The following DYNC1I1 variants were observed in gnomAD, a reference collection of about 807,000 sequenced individuals.
DYNC1I1 encodes cytoplasmic dynein 1 intermediate chain 1.
A neutral mutation model predicts 86.6 loss-of-function variants in DYNC1I1; 43 were observed. The observed-to-expected ratio is 0.50, with a 90% CI of 0.39 to 0.64. The LOEUF (loss-of-function observed/expected upper bound fraction) is 0.64, where lower values mean the gene tolerates loss of function less well. Ranked by LOEUF, DYNC1I1 falls within the 30% of genes least tolerant of loss-of-function variation. DYNC1I1 has a pLI of 0.00. For missense variants in DYNC1I1, 604 were observed against 788.8 expected (o/e 0.77, Z 2.81); for synonymous variants, 262 against 283.7 (o/e 0.92, Z 0.77).
At chr7:96,095,112 C>A (rs1280578063) in intron 16 of DYNC1I1, among the ~76,000 whole-genome samples, 1 of 152,142 alleles carries the variant, frequency 6.6e-6, no homozygotes, top group African/African-American at 2.4e-5. Flanking sequence ...ACATGTAGTT[C>A]ACTCGCTGGC....
Position 95,984,813 on chromosome 7 carries a change from A to G in DYNC1I1, c.581-2A>G. The G allele has an allele frequency of 6.4e-7, 1 of 1,574,042 alleles. No individual in the cohort carries two copies. ...CTTTTACAAAAAAATAAATAAATAA[A>G]GCCCCTCCAAGAGAGTTGACAGAGG... On this transcript the variant is annotated splice_acceptor_variant, in intron 7 of 16. Coordinates refer to ENST00000447467, the MANE Select transcript of DYNC1I1 (RefSeq NM_001135556.2). LOFTEE classifies it high-confidence loss of function.
intron 6 of DYNC1I1, among the ~76,000 whole-genome samples, chr7:95,965,307 T>A (rs1792980757): frequency 6.6e-6 from 1 of 152,192 alleles, no homozygotes; most frequent in African/African-American, 2.4e-5. Context: ...CATTAATATA[T>A]CTTCATCCTT....
At chr7:95,880,038 T>C (rs1228909792) in intron 6 of DYNC1I1, among the ~76,000 whole-genome samples, 1 of 152,226 alleles carries the variant, frequency 6.6e-6, no homozygotes, top group Non-Finnish European at 1.5e-5. Context: ...CCAGTTTTAC[T>C]TTTACAGTAA....
In DYNC1I1 at chr7:95,839,858, GT is replaced by G. The variant is rs566018870; in HGVS notation, c.374+11752del. On this transcript the variant is annotated intron_variant, in intron 5 of 16. Transcript: ENST00000447467. ...CTGGTATTGTATTCTTGATTGGCAG[GT>G]TTTTTTTTTCTTCTTTCAGCACTTT... Among the ~76,000 whole-genome samples the G allele has an allele frequency of 3.3e-4, 49 of 149,310 alleles. 2 individuals are homozygous for G. In the South Asian group the frequency reaches 7.2e-3, roughly 22 times the overall value.
chr7:95,889,198 G>A (rs1790674554), intron 6 of DYNC1I1, among the ~76,000 whole-genome samples: 1 of 152,164 alleles, frequency 6.6e-6, no homozygotes, highest in African/African-American at 2.4e-5. Flanking sequence ...CAAATGACAT[G>A]CTGATATGCC....
At chr7:96,035,870 C>T (rs1008989661) in intron 13 of DYNC1I1, 118 bp downstream of exon 13, 26 of 1,470,480 alleles carry the variant, frequency 1.8e-5, no homozygotes, top group Admixed American at 1.5e-4. Flanking sequence ...ATGGAAAGCA[C>T]GACTTCAACT....
chr7:95,818,932 T>C (rs936100703), intron 4 of DYNC1I1: 2 of 157,372 alleles, frequency 1.3e-5, no homozygotes, highest in East Asian at 1.8e-4. Context: ...ATTTCCCCAA[T>C]TGGCCCCAAT....
intron 10 of DYNC1I1, among the ~76,000 whole-genome samples, chr7:96,006,821 C>T (rs1435385286): frequency 1.3e-5 from 2 of 152,176 alleles, no homozygotes; most frequent in East Asian, 3.9e-4. Context: ...TGAAACAGAA[C>T]ACCAATGCTA....
At chr7:95,795,806 G>A (rs1794420992) in intron 1 of DYNC1I1, among the ~76,000 whole-genome samples, 1 of 151,012 alleles carries the variant, frequency 6.6e-6, no homozygotes, top group Non-Finnish European at 1.5e-5. Context: ...AATACCTGGG[G>A]GATAAAATAA....
At chr7:95,830,674 T>C (rs993800470) in intron 5 of DYNC1I1, among the ~76,000 whole-genome samples, 3 of 152,178 alleles carry the variant, frequency 2.0e-5, no homozygotes, top group Admixed American at 1.3e-4. Context: ...TGTACAAATA[T>C]TTTAATGCAC....
chr7:95,789,563 A>G lies in DYNC1I1; in HGVS notation c.-9-15158A>G, dbSNP rs575810023. On this transcript the variant is annotated intron_variant, in intron 1 of 16. Coordinates refer to ENST00000447467, the MANE Select transcript of DYNC1I1 (RefSeq NM_001135556.2). ...GTTTGCTTTGGTCATTCTGTGATAC[A>G]GTTTTCCTGCCAGTGCTCTGTGAAT... Among the ~76,000 whole-genome samples the G allele has an allele frequency of 2.2e-4, 34 of 152,256 alleles. No individual in the cohort carries two copies. In the South Asian group the frequency reaches 7.0e-3, roughly 32 times the overall value.
At chr7:95,802,205 C>G (rs1454584807) in intron 1 of DYNC1I1, among the ~76,000 whole-genome samples, 1 of 152,052 alleles carries the variant, frequency 6.6e-6, no homozygotes, top group Non-Finnish European at 1.5e-5. Flanking sequence ...AGTTTTTTCA[C>G]CATTTTCCTC....
chr7:95,984,952 G>A lies in DYNC1I1; in HGVS notation c.718G>A (p.Gly240Ser), dbSNP rs187401312. ...EDSDIFFDYS[G>S]RELEEKDGDV... Reference sequence around the variant, plus strand: ...TTCCGACATCTTTTTTGACTACAGCGGCCGAGAGTTAGAGGAAAAAGATGG... The same window carrying A: ...TTCCGACATCTTTTTTGACTACAGCAGCCGAGAGTTAGAGGAAAAAGATGG... The change falls in exon 8 of 17, where the codon GGC (glycine) becomes AGC (serine). Residue 240 changes from glycine (G) to serine (S), a missense_variant. Physicochemically the swap from Gly to Ser is moderately conservative, Grantham distance 56. Coordinates refer to ENST00000447467, the MANE Select transcript of DYNC1I1 (RefSeq NM_001135556.2). 3.7e-6 allele frequency: 6 copies of A among 1,613,214 alleles called. No homozygotes were observed. The highest frequency in any genetic ancestry group is 1.7e-4 in the Middle Eastern group (1 of 6,054).
At chr7:95,774,807 T>C (rs1037155050) in intron 1 of DYNC1I1, among the ~76,000 whole-genome samples, 22 of 152,206 alleles carry the variant, frequency 1.4e-4, no homozygotes, top group African/African-American at 4.8e-4. Context: ...TCTTGTAAAA[T>C]GCATGCCAAA....
chr7:96,097,954 C>CAGAT lies in DYNC1I1; in HGVS notation c.*363_*366dup. 5.9e-6 allele frequency: 6 copies of CAGAT among 1,014,438 alleles called. No individual in the cohort carries two copies. The highest frequency in any genetic ancestry group is 7.1e-6 in the Non-Finnish European group (6 of 847,060). 62.8% of individuals were successfully genotyped at this position (1,014,438 alleles called of 1,614,324 possible). A position where few individuals can be genotyped will look rare whatever the true frequency, so the allele number is the denominator to read the frequency against. On this transcript the variant is annotated 3_prime_UTR_variant, in exon 17 of 17. Coordinates refer to ENST00000447467, the MANE Select transcript of DYNC1I1 (RefSeq NM_001135556.2). Reference sequence around the variant, plus strand: ...TAGTCCTATTAAATCCATATGAAGCCAGATATGATTGGGTGCAGATGTGGT... The same window carrying CAGAT: ...TAGTCCTATTAAATCCATATGAAGCCAGATAGATATGATTGGGTGCAGATGTGGT...
At chr7:95,782,621 G>T (rs1015164121) in intron 1 of DYNC1I1, among the ~76,000 whole-genome samples, 1 of 152,196 alleles carries the variant, frequency 6.6e-6, no homozygotes, top group African/African-American at 2.4e-5. Flanking sequence ...GTTATTGTCC[G>T]TAGATGGCTA....
Position 96,045,178 on chromosome 7 carries a change from G to A in DYNC1I1, c.1509+5757G>A, listed in dbSNP as rs531321076. Among the ~76,000 whole-genome samples, 276 of 152,294 alleles carry A rather than the reference G, an allele frequency of 1.8e-3. 1 individual carries two copies. Among genetic ancestry groups the A allele is most frequent in the Non-Finnish European group, 3.3e-3 (224 of 68,024 alleles). ...TGCCCCTATAAGATCAAAGAACAAGGATGAAGGAAGTAATTGAATAAGAGA... is the reference window on the plus strand; with the variant it reads ...TGCCCCTATAAGATCAAAGAACAAGAATGAAGGAAGTAATTGAATAAGAGA... On this transcript the variant is annotated intron_variant, in intron 14 of 16. Transcript: ENST00000447467.
intron 6 of DYNC1I1, among the ~76,000 whole-genome samples, chr7:95,946,477 A>G (rs1302086062): frequency 6.6e-6 from 1 of 152,084 alleles, no homozygotes; most frequent in African/African-American, 2.4e-5. Context: ...TAAAAATGCC[A>G]CCTCCTCCAC....
chr7:96,033,402 A>C (rs1056382584), intron 12 of DYNC1I1, among the ~76,000 whole-genome samples: 2 of 152,200 alleles, frequency 1.3e-5, no homozygotes, highest in African/African-American at 4.8e-5. Context: ...TGTCAAAGGG[A>C]GACAACTAAA....
Sources: gnomAD v4.1 joint callset for allele counts (sites outside exome capture counted in the v4.1 genomes callset) on GRCh38, gnomAD v4.1.1 for gene constraint, MANE v1.5 for transcripts, NCBI Gene and HGNC (gene_info 2026-07-23, HGNC 2026-07-21) for gene names.